The following CECR2 variants were observed in gnomAD, a reference collection of about 807,000 sequenced individuals.
CECR2 encodes chromatin remodeling regulator CECR2.
A neutral mutation model predicts 154.5 loss-of-function variants in CECR2; 30 were observed. That is an observed-to-expected ratio of 0.19 (90% confidence interval 0.15 to 0.26). The LOEUF (loss-of-function observed/expected upper bound fraction) is 0.26. Ranked by LOEUF, CECR2 falls within the 10% of genes least tolerant of loss-of-function variation. CECR2 has a pLI of 1.00. For missense variants in CECR2, 1,743 were observed against 1,829.3 expected, an observed-to-expected ratio of 0.95 and a Z score of 0.86; for synonymous variants, 725 against 683.7, an observed-to-expected ratio of 1.06 and a Z score of -0.94.
chr22:17,383,200 G>A (rs911012302), intron 1 of CECR2, among the ~76,000 whole-genome samples: 4 of 152,146 alleles, frequency 2.6e-5, no homozygotes, highest in Non-Finnish European at 5.9e-5. Context: ...ACTCTAGCCT[G>A]GGAAACAGAG....
At chr22:17,403,513 T>C (rs1227331565) in intron 1 of CECR2, among the ~76,000 whole-genome samples, 8 of 152,246 alleles carry the variant, frequency 5.3e-5, no homozygotes, top group Admixed American at 5.2e-4. Context: ...CAGTTTGTTT[T>C]CAACAGTAGT....
At chr22:17,518,582 C>A in intron 8 of CECR2, 1 of 328,924 alleles carries the variant, frequency 3.0e-6, no homozygotes, top group Non-Finnish European at 6.0e-6. Flanking sequence ...CCTTCCATTG[C>A]AGCTGTCACG....
At chr22:17,468,824 A>C (rs893789139) in intron 1 of CECR2, among the ~76,000 whole-genome samples, 8 of 152,166 alleles carry the variant, frequency 5.3e-5, no homozygotes, top group African/African-American at 1.4e-4. Flanking sequence ...TTTATAAAGA[A>C]ATGTATTTCT....
chr22:17,439,095 A>G (rs1394402257), intron 1 of CECR2, among the ~76,000 whole-genome samples: 1 of 151,630 alleles, frequency 6.6e-6, no homozygotes, highest in Admixed American at 6.6e-5. Flanking sequence ...CTTGCTAGAT[A>G]TTTTTTCTAG....
chr22:17,426,129 C>T (rs973745422), intron 1 of CECR2, among the ~76,000 whole-genome samples: 1 of 152,136 alleles, frequency 6.6e-6, no homozygotes, highest in South Asian at 2.1e-4. Flanking sequence ...AAATCCCAGA[C>T]ATCATATCAT....
chr22:17,379,448 C>T (rs9604736), intron 1 of CECR2, among the ~76,000 whole-genome samples: 1 of 152,038 alleles, frequency 6.6e-6, no homozygotes, highest in African/African-American at 2.4e-5. Flanking sequence ...GTGCTGCAGC[C>T]TGGGGCTGGA....
intron 1 of CECR2, among the ~76,000 whole-genome samples, chr22:17,376,887 C>T (rs761521753): frequency 1.3e-5 from 2 of 152,114 alleles, no homozygotes; most frequent in East Asian, 1.9e-4. Flanking sequence ...CCACCCTCCT[C>T]GGCCTCCCAA....
chr22:17,530,195 A>G (rs1465772437), intron 9 of CECR2, among the ~76,000 whole-genome samples: 1 of 148,678 alleles, frequency 6.7e-6, no homozygotes, highest in Non-Finnish European at 1.5e-5. Flanking sequence ...AAACTCCTGT[A>G]ATGTTACATT....
intron 1 of CECR2, among the ~76,000 whole-genome samples, chr22:17,466,217 G>T (rs539538397): frequency 1.3e-5 from 2 of 152,072 alleles, no homozygotes; most frequent in Admixed American, 6.6e-5. Context: ...GAGCCAGAGC[G>T]CCTGGCCTTC....
At chr22:17,395,139 T>C (rs1051349099) in intron 1 of CECR2, among the ~76,000 whole-genome samples, 3 of 152,140 alleles carry the variant, frequency 2.0e-5, no homozygotes, top group African/African-American at 4.8e-5. Context: ...GGCAATCACT[T>C]ATGTACTTTT....
chr22:17,495,861 CAAAAAA>C (rs10558473), intron 2 of CECR2, among the ~76,000 whole-genome samples: 1 of 67,216 alleles, frequency 1.5e-5, no homozygotes, highest in Non-Finnish European at 2.6e-5. Flanking sequence ...GACTCTGTCT[CAAAAAA>C]AAAAAAAAAA....
At chr22:17,411,605 A>G (rs768068583) in intron 1 of CECR2, among the ~76,000 whole-genome samples, 2 of 152,242 alleles carry the variant, frequency 1.3e-5, no homozygotes, top group African/African-American at 2.4e-5. Context: ...TATAGGACCT[A>G]TCTTCCCATT....
chr22:17,431,961 G>A lies in CECR2; in HGVS notation c.127-45627G>A, dbSNP rs78126586. Among the ~76,000 whole-genome samples, 9 of 152,214 alleles carry A rather than the reference G, an allele frequency of 5.9e-5. No homozygotes were observed. The East Asian group carries it at 7.7e-4, about 13-fold the overall frequency. Reference sequence around the variant, plus strand: ...CCACTCACGTTTTTCCCCATCCTCTGGAAACCACTGAGCTTTGTGCCTGTA... The same window carrying A: ...CCACTCACGTTTTTCCCCATCCTCTAGAAACCACTGAGCTTTGTGCCTGTA... On this transcript the variant is annotated intron_variant, in intron 1 of 18. Transcript: ENST00000262608.
intron 1 of CECR2, among the ~76,000 whole-genome samples, chr22:17,431,144 A>T (rs528718949): frequency 1.3e-5 from 2 of 152,188 alleles, no homozygotes; most frequent in African/African-American, 2.4e-5. Flanking sequence ...GCTGGGGTAA[A>T]AAAGAAAACT....
upstream of CECR2, among the ~76,000 whole-genome samples, chr22:17,365,447 T>C (rs557029747): frequency 1.3e-4 from 20 of 152,236 alleles, no homozygotes; most frequent in South Asian, 2.1e-4. Context: ...GTAATCCTAG[T>C]ACTTTGGGAG....
intron 1 of CECR2, among the ~76,000 whole-genome samples, chr22:17,399,071 C>T (rs1229356862): frequency 1.3e-5 from 2 of 152,108 alleles, no homozygotes; most frequent in African/African-American, 2.4e-5. Context: ...AGCAAGGTTC[C>T]CAGGTGATTA....
Position 17,383,148 on chromosome 22 carries a change from C to T in CECR2, c.126+13239C>T, listed in dbSNP as rs370590975. Among the ~76,000 whole-genome samples the T allele has an allele frequency of 2.6e-3, 390 of 152,188 alleles. 1 individual carries two copies. The highest frequency in any genetic ancestry group is 9.0e-3 in the African/African-American group (374 of 41,532). ...GCTGAGGCAGGAGAATCTCTTGAAC[C>T]CGGGAGGCGGAGTTTGCAGTGAGCC... is the stretch of plus-strand genomic sequence containing the variant. On this transcript the variant is annotated intron_variant, in intron 1 of 18. Transcript: ENST00000262608.
rs12168048 is a variant in CECR2, at chr22:17,387,404, G to A, written c.126+17495G>A. Among the ~76,000 whole-genome samples the A allele has an allele frequency of 1.2e-3, 178 of 152,286 alleles. 1 individual carries two copies. The highest frequency in any genetic ancestry group is 3.9e-3 in the African/African-American group (164 of 41,572). On this transcript the variant is annotated intron_variant, in intron 1 of 18. Coordinates refer to ENST00000262608, the MANE Select transcript of CECR2 (RefSeq NM_001290047.2). The stretch of plus-strand genomic sequence containing the variant: ...GAAATACAAGGATTATCGAGTTAGC[G>A]TGGAAAAGAAGCTGAAAGGTCATGG...
intron 1 of CECR2, among the ~76,000 whole-genome samples, chr22:17,465,950 G>A (rs990903856): frequency 9.2e-5 from 14 of 152,154 alleles, no homozygotes; most frequent in East Asian, 1.9e-4. Flanking sequence ...AATACAACAC[G>A]TGTTATTGAA....
Sources: allele counts gnomAD v4.1 joint callset (sites outside exome capture counted in the v4.1 genomes callset), GRCh38; gene constraint gnomAD v4.1.1; transcripts MANE v1.5; gene names NCBI Gene and HGNC (gene_info 2026-07-23, HGNC 2026-07-21).